Variants in MARCHF11 observed in about 807,000 individuals in gnomAD.
MARCHF11 encodes membrane associated ring-CH-type finger 11.
Under a neutral mutation model 37.3 loss-of-function variants are expected in MARCHF11, and 29 were observed. The ratio of observed to expected loss-of-function variants is 0.78; its 90% CI spans 0.58 to 1.06. The LOEUF (loss-of-function observed/expected upper bound fraction) is 1.06, where lower values mean the gene tolerates loss of function less well. Ranked by LOEUF, MARCHF11 falls within the 50% of genes least tolerant of loss-of-function variation. The probability of loss-of-function intolerance (pLI) is 0.00; values close to 1 mark genes in which losing one functional copy is unlikely to be tolerated. For missense variants in MARCHF11, 482 were observed against 533.4 expected, an observed-to-expected ratio of 0.90 and a Z score of 0.95; for synonymous variants, 233 against 228.0, an observed-to-expected ratio of 1.02 and a Z score of -0.20.
intron 2 of MARCHF11, among the ~76,000 whole-genome samples, chr5:16,131,408 C>A (rs1737512261): frequency 6.6e-6 from 1 of 151,914 alleles, no homozygotes; most frequent in East Asian, 1.9e-4. Context: ...CCATTTTGAA[C>A]TAGAATAAAT....
chr5:16,107,502 C>T (rs1737063750), intron 2 of MARCHF11, among the ~76,000 whole-genome samples: 2 of 151,870 alleles, frequency 1.3e-5, no homozygotes, highest in Non-Finnish European at 2.9e-5. Flanking sequence ...TTGTATCTCC[C>T]AAGTAATTAA....
intron 3 of MARCHF11, among the ~76,000 whole-genome samples, chr5:16,068,582 A>G (rs1736387479): frequency 6.6e-6 from 1 of 152,198 alleles, no homozygotes; most frequent in African/African-American, 2.4e-5. Context: ...CGTTTCTGAG[A>G]CAGACTCTCA....
chr5:16,119,035 T>C (rs1737266564), intron 2 of MARCHF11, among the ~76,000 whole-genome samples: 1 of 152,144 alleles, frequency 6.6e-6, no homozygotes, highest in Admixed American at 6.5e-5. Context: ...TAATGAGTCT[T>C]GGAAATAATC....
At chr5:16,125,832 T>G (rs1737396631) in intron 2 of MARCHF11, among the ~76,000 whole-genome samples, 1 of 152,148 alleles carries the variant, frequency 6.6e-6, no homozygotes. Flanking sequence ...CCTTATGGGT[T>G]AACTTGACAC....
In MARCHF11 at chr5:16,136,942, G is replaced by A. The variant is rs575768464; in HGVS notation, c.693+40784C>T. Among the ~76,000 whole-genome samples the A allele has an allele frequency of 3.9e-5, 6 of 152,082 alleles. No individual in the cohort carries two copies. In the East Asian group the frequency reaches 1.2e-3, roughly 29 times the overall value. On this transcript the variant is annotated intron_variant, in intron 2 of 3. Transcript: ENST00000332432. The stretch of plus-strand genomic sequence containing the variant: ...GATCTGTGAAGCTTTAATTACAAAA[G>A]TTATCTAATCTAAAAGAGTTACAAC...
At chr5:16,157,225 T>C (rs1737992372) in intron 2 of MARCHF11, among the ~76,000 whole-genome samples, 1 of 144,018 alleles carries the variant, frequency 6.9e-6, no homozygotes, top group South Asian at 2.2e-4. Context: ...AATCCCGTGT[T>C]TGTGGATTAG....
At chr5:16,099,660 T>G (rs958140816) in intron 2 of MARCHF11, among the ~76,000 whole-genome samples, 16 of 152,194 alleles carry the variant, frequency 1.1e-4, no homozygotes, top group Non-Finnish European at 1.9e-4. Context: ...ATCAGTATAA[T>G]TTCAATTCAT....
chr5:16,096,968 G>C (rs1014542658), intron 2 of MARCHF11, among the ~76,000 whole-genome samples: 1 of 152,132 alleles, frequency 6.6e-6, no homozygotes, highest in Admixed American at 6.5e-5. Context: ...ATTTAGTCTC[G>C]GGTACTGTTT....
At position 16,091,000 on chromosome 5, in the gene MARCHF11, C is replaced by G; in HGVS notation, c.775G>C (p.Val259Leu). Residue 259 changes from valine to leucine, a missense_variant, in exon 3 of 4, where the codon GTG becomes CTG. By Grantham distance (32) the Val-to-Leu change is conservative. Transcript: ENST00000332432. The part of the protein sequence containing the change: ...ILGSLFLIAS[V>L]TWLLWSAFSP... ...AAGGCTGACCAGAGGAGCCAAGTCA[C>G]ACTGGCTATTAAGAACAGGGATCCT... The G allele has an allele frequency of 6.2e-7, 1 of 1,612,144 alleles. No individual in the cohort carries two copies. The highest frequency in any genetic ancestry group is 8.5e-7 in the Non-Finnish European group (1 of 1,179,238).
At chr5:16,083,232 C>G (rs1236166472) in intron 3 of MARCHF11, among the ~76,000 whole-genome samples, 1 of 152,058 alleles carries the variant, frequency 6.6e-6, no homozygotes. Context: ...CAAGTGGTCC[C>G]GAATCAGACC....
chr5:16,178,552 T>C (rs1738403860), intron 1 of MARCHF11, among the ~76,000 whole-genome samples: 1 of 152,236 alleles, frequency 6.6e-6, no homozygotes, highest in Non-Finnish European at 1.5e-5. Flanking sequence ...CCTATTTCTC[T>C]TGTAAAAACT....
intron 2 of MARCHF11, among the ~76,000 whole-genome samples, chr5:16,150,329 G>T: frequency 6.7e-6 from 1 of 149,306 alleles, no homozygotes; most frequent in Non-Finnish European, 1.5e-5. Context: ...CTGGTAGCCA[G>T]TCACAAAGCT....
chr5:16,111,783 G>C (rs1737141647), intron 2 of MARCHF11, among the ~76,000 whole-genome samples: 2 of 152,134 alleles, frequency 1.3e-5, no homozygotes, highest in Admixed American at 1.3e-4. Flanking sequence ...CCCATCATAG[G>C]CCTAGAAGCC....
intron 2 of MARCHF11, among the ~76,000 whole-genome samples, chr5:16,173,021 T>G (rs1390569252): frequency 6.6e-6 from 1 of 152,190 alleles, no homozygotes. Context: ...GAAGATCTGC[T>G]GCTGACAGCA....
intron 2 of MARCHF11, among the ~76,000 whole-genome samples, chr5:16,144,385 C>G (rs542816320): frequency 6.6e-6 from 1 of 152,256 alleles, no homozygotes. Flanking sequence ...GTGTGTTATT[C>G]GTCGCGATGT....
At chr5:16,145,639 C>A (rs944742766) in intron 2 of MARCHF11, among the ~76,000 whole-genome samples, 1 of 151,916 alleles carries the variant, frequency 6.6e-6, no homozygotes, top group Admixed American at 6.6e-5. Context: ...TATAATAGGA[C>A]ACATGTGTTG....
intron 2 of MARCHF11, among the ~76,000 whole-genome samples, chr5:16,159,472 G>C (rs1738036547): frequency 6.6e-6 from 1 of 151,862 alleles, no homozygotes; most frequent in Admixed American, 6.6e-5. Context: ...GTAACTAATA[G>C]GTCATATTCT....
At chr5:16,091,120 T>C (rs748723137) in intron 2 of MARCHF11, 39 bp from the exon 3 acceptor site, 2 of 1,348,696 alleles carry the variant, frequency 1.5e-6, no homozygotes, top group African/African-American at 2.5e-5. Flanking sequence ...AGGAGCTGTG[T>C]ATAATTAAAA....
chr5:16,092,493 A>AT (rs1269999694), intron 2 of MARCHF11, among the ~76,000 whole-genome samples: 1 of 152,206 alleles, frequency 6.6e-6, no homozygotes, highest in Non-Finnish European at 1.5e-5. Flanking sequence ...ACAATTCCGA[A>AT]TGAATAATAA....
Sources: allele counts gnomAD v4.1 joint callset (sites outside exome capture counted in the v4.1 genomes callset), GRCh38; gene constraint gnomAD v4.1.1; transcripts MANE v1.5; gene names NCBI Gene and HGNC (gene_info 2026-07-23, HGNC 2026-07-21).